Variants in CCDC171 observed in about 807,000 individuals in gnomAD.
CCDC171 encodes coiled-coil domain containing 171, also known as coiled-coil domain-containing protein 171.
Under a neutral mutation model 168.2 loss-of-function variants are expected in CCDC171, and 177 were observed. That is an observed-to-expected ratio of 1.05 (90% CI 0.93 to 1.19). The LOEUF (loss-of-function observed/expected upper bound fraction) is 1.19, where lower values mean the gene tolerates loss of function less well. Ranked by LOEUF, CCDC171 falls within the 50% of genes most tolerant of loss-of-function variation. CCDC171 has a pLI of 0.00. For missense variants in CCDC171, 1,991 were observed against 1,539.0 expected (o/e 1.29, Z -4.91); for synonymous variants, 687 against 540.8 (o/e 1.27, Z -3.75).
chr9:16,050,489 T>A (rs1293957727), intron 1 of CCDC171, among the ~76,000 whole-genome samples: 1 of 152,200 alleles, frequency 6.6e-6, no homozygotes, highest in East Asian at 1.9e-4. Flanking sequence ...CCTGGCAAAT[T>A]ATTTAATCAT....
At chr9:15,840,741 G>C (rs546931202) in intron 21 of CCDC171, among the ~76,000 whole-genome samples, 45 of 151,964 alleles carry the variant, frequency 3.0e-4, no homozygotes, top group Non-Finnish European at 6.0e-4. Flanking sequence ...ATATTTTCCA[G>C]TTGAGAGGGT....
intron 18 of CCDC171, among the ~76,000 whole-genome samples, chr9:15,765,110 A>G (rs2056650844): frequency 6.6e-6 from 1 of 152,332 alleles, no homozygotes; most frequent in South Asian, 2.1e-4. Flanking sequence ...GAATTGAAGA[A>G]TCACTCCAAA....
intron 23 of CCDC171, among the ~76,000 whole-genome samples, chr9:15,856,240 G>T (rs1452558805): frequency 6.6e-6 from 1 of 151,820 alleles, no homozygotes; most frequent in African/African-American, 2.4e-5. Context: ...ATACAATATT[G>T]TTAACCACAG....
At chr9:16,059,219 T>G (rs1833890087) in intron 1 of CCDC171, among the ~76,000 whole-genome samples, 1 of 152,208 alleles carries the variant, frequency 6.6e-6, no homozygotes, top group African/African-American at 2.4e-5. Context: ...TTGTATTTGC[T>G]CATGAGGTAC....
intron 25 of CCDC171, among the ~76,000 whole-genome samples, chr9:15,968,978 T>C (rs1029471774): frequency 4.6e-5 from 7 of 152,226 alleles, no homozygotes; most frequent in African/African-American, 1.7e-4. Context: ...AAAGTAACTC[T>C]GTTTACTTTC....
At chr9:15,790,388 T>C (rs975677494) in intron 21 of CCDC171, among the ~76,000 whole-genome samples, 2 of 152,248 alleles carry the variant, frequency 1.3e-5, no homozygotes, top group Admixed American at 1.3e-4. Flanking sequence ...GCTGCATAAA[T>C]GTCTTCTTTT....
At chr9:16,076,970 G>A in the CCDC171 span, among the ~76,000 whole-genome samples, 5 of 152,130 alleles carry the variant, frequency 3.3e-5, no homozygotes, top group Non-Finnish European at 7.3e-5. Flanking sequence ...TTGGATAATC[G>A]TCTTCTAAAT....
chr9:15,982,523 A>G (rs1016675255), intron 3 of CCDC171, among the ~76,000 whole-genome samples: 2 of 152,154 alleles, frequency 1.3e-5, no homozygotes, highest in Admixed American at 1.3e-4. Context: ...TACTGGAAGG[A>G]AAGAGGGATA....
At chr9:16,066,144 A>G (rs1249880358), downstream of CCDC171, among the ~76,000 whole-genome samples, 1 of 152,060 alleles carries the variant, frequency 6.6e-6, no homozygotes, top group Non-Finnish European at 1.5e-5. Context: ...TGATGACAAG[A>G]TTTCTTCACT....
chr9:15,656,755 A>C (rs931344263), intron 7 of CCDC171, among the ~76,000 whole-genome samples: 1 of 152,210 alleles, frequency 6.6e-6, no homozygotes, highest in Non-Finnish European at 1.5e-5. Context: ...GGCTGGAGGA[A>C]GGCATTACCA....
At chr9:16,010,242 G>C (rs189770780) in intron 3 of CCDC171, among the ~76,000 whole-genome samples, 5 of 151,948 alleles carry the variant, frequency 3.3e-5, no homozygotes, top group African/African-American at 7.3e-5. Flanking sequence ...CTTTCTTCTT[G>C]TTGATTTTAT....
intron 7 of CCDC171, among the ~76,000 whole-genome samples, chr9:15,637,325 G>A (rs1264192776): frequency 6.6e-6 from 1 of 151,938 alleles, no homozygotes; most frequent in Non-Finnish European, 1.5e-5. Context: ...AAACTTTAAG[G>A]TGTGGTTGTG....
chr9:15,590,169 A>G (rs1029712295), intron 4 of CCDC171, among the ~76,000 whole-genome samples: 1 of 152,210 alleles, frequency 6.6e-6, no homozygotes, highest in Non-Finnish European at 1.5e-5. Context: ...ATGAGAGACC[A>G]TGGAAGAATG....
chr9:15,773,154 T>C (rs532440599), intron 18 of CCDC171, among the ~76,000 whole-genome samples: 3 of 152,332 alleles, frequency 2.0e-5, no homozygotes, highest in South Asian at 2.1e-4. Flanking sequence ...AAAAATGTTG[T>C]AGATTGCTCT....
chr9:16,067,392 T>A, the CCDC171 span, among the ~76,000 whole-genome samples: 1 of 152,158 alleles, frequency 6.6e-6, no homozygotes, highest in Non-Finnish European at 1.5e-5. Context: ...GTCGCGAAAA[T>A]TGTCTCCCAT....
intron 3 of CCDC171, among the ~76,000 whole-genome samples, chr9:16,014,687 C>G (rs538648326): frequency 6.6e-6 from 1 of 152,264 alleles, no homozygotes; most frequent in African/African-American, 2.4e-5. Context: ...CAATATCCAT[C>G]TCCTTGTATA....
At chr9:15,801,989 T>C (rs2058849879) in intron 21 of CCDC171, among the ~76,000 whole-genome samples, 1 of 152,082 alleles carries the variant, frequency 6.6e-6, no homozygotes, top group Non-Finnish European at 1.5e-5. Context: ...TGTTGAATGA[T>C]CTTTTTAATG....
At chr9:15,829,407 G>T (rs1205871078) in intron 21 of CCDC171, among the ~76,000 whole-genome samples, 1 of 152,134 alleles carries the variant, frequency 6.6e-6, no homozygotes, top group Admixed American at 6.6e-5. Context: ...TAAAATGAAA[G>T]CCTTGATTCT....
chr9:15,958,237 C>G (rs1245620637), intron 25 of CCDC171, among the ~76,000 whole-genome samples: 1 of 152,012 alleles, frequency 6.6e-6, no homozygotes, highest in African/African-American at 2.4e-5. Context: ...AACAAAATAG[C>G]CTGTGGCTTC....
Sources: gnomAD v4.1 joint callset for allele counts (sites outside exome capture counted in the v4.1 genomes callset) on GRCh38, gnomAD v4.1.1 for gene constraint, MANE v1.5 for transcripts, NCBI Gene and HGNC (gene_info 2026-07-23, HGNC 2026-07-21) for gene names.